The following PIAS1 variants were observed in gnomAD, a reference collection of about 807,000 sequenced individuals.
PIAS1 encodes protein inhibitor of activated STAT 1.
Under a neutral mutation model 71.3 loss-of-function variants are expected in PIAS1, and 6 were observed. The observed-to-expected ratio is 0.08, with a 90% CI of 0.05 to 0.17. PIAS1 has a LOEUF of 0.17. Among genes scored for constraint, PIAS1 ranks in the 10% least tolerant of loss-of-function variants. The pLI, the probability that PIAS1 is intolerant of heterozygous loss-of-function variation, is 1.00. For missense variants in PIAS1, 555 were observed against 793.6 expected, an observed-to-expected ratio of 0.70 and a Z score of 3.61; for synonymous variants, 303 against 292.9, an observed-to-expected ratio of 1.03 and a Z score of -0.35.
At chr15:68,080,275 A>C (rs1214605803) in intron 1 of PIAS1, among the ~76,000 whole-genome samples, 1 of 152,242 alleles carries the variant, frequency 6.6e-6, no homozygotes, top group African/African-American at 2.4e-5. Flanking sequence ...CCATTTCAAC[A>C]GTGTTTATAC....
intron 1 of PIAS1, among the ~76,000 whole-genome samples, chr15:68,069,380 A>G (rs571114595): frequency 1.3e-5 from 2 of 152,288 alleles, no homozygotes; most frequent in East Asian, 1.9e-4. Flanking sequence ...TTGGTATCAC[A>G]TTTACTTAAA....
chr15:68,059,171 A>G (rs1243594636), intron 1 of PIAS1, among the ~76,000 whole-genome samples: 1 of 151,478 alleles, frequency 6.6e-6, no homozygotes, highest in East Asian at 2.0e-4. Flanking sequence ...CGCCCCGCTA[A>G]TTTTTTTGTA....
chr15:68,061,679 C>A (rs902155518), intron 1 of PIAS1, among the ~76,000 whole-genome samples: 35 of 152,132 alleles, frequency 2.3e-4, no homozygotes, highest in Non-Finnish European at 1.3e-4. Flanking sequence ...TTTCAGTTTA[C>A]CCGCTTTGGT....
At chr15:68,099,407 A>G (rs1467869148) in intron 2 of PIAS1, among the ~76,000 whole-genome samples, 1 of 151,218 alleles carries the variant, frequency 6.6e-6, no homozygotes. Flanking sequence ...TTGTCTTTTG[A>G]GTTTTTTTTA....
intron 2 of PIAS1, among the ~76,000 whole-genome samples, chr15:68,123,232 T>C (rs1289082696): frequency 6.6e-6 from 1 of 151,490 alleles, no homozygotes; most frequent in Non-Finnish European, 1.5e-5. Context: ...TTTAAAACTT[T>C]TTGTAGAGAG....
chr15:68,106,854 G>A (rs914996373), intron 2 of PIAS1, among the ~76,000 whole-genome samples: 1 of 152,206 alleles, frequency 6.6e-6, no homozygotes, highest in Non-Finnish European at 1.5e-5. Context: ...ATACAGCACA[G>A]CAAGCTTTTC....
At position 68,185,312 on chromosome 15, in the gene PIAS1, G is replaced by C. The variant is rs2093080850; in HGVS notation, c.1662+1645G>C. On this transcript the variant is annotated intron_variant, in intron 13 of 13. Transcript: ENST00000249636. The surrounding 1 kb of genome is among the most constrained non-coding windows in gnomAD (Gnocchi z 4.4). ...GCATCAAGAACCTTGCTTGGGCATG[G>C]ACTGATGTCACCAAGGAGTATGTGA... Among the ~76,000 whole-genome samples, 2 of 152,114 alleles carry C rather than the reference G, an allele frequency of 1.3e-5. No homozygotes were observed. The highest frequency in any genetic ancestry group is 2.4e-5 in the African/African-American group (1 of 41,422).
At chr15:68,123,908 C>T (rs947095249) in intron 2 of PIAS1, among the ~76,000 whole-genome samples, 6 of 151,886 alleles carry the variant, frequency 4.0e-5, no homozygotes, top group Admixed American at 1.3e-4. Context: ...TAATTATAGG[C>T]GGAAAACACA....
rs117359078 is a variant in PIAS1 at position 68,082,282 on chromosome 15, G to A, written c.25-4024G>A. ...AGGGGAAGTAGTGGCATAAGGAAAC[G>A]GGATCCAGTATAAAAGAGAGACAAG... On this transcript the variant is annotated intron_variant, in intron 1 of 13. Transcript: ENST00000249636. 5.5e-3 allele frequency among the ~76,000 whole-genome samples: 833 copies of A among 152,220 alleles called. 2 individuals carry two copies. The highest frequency in any genetic ancestry group is 0.015 in the East Asian group (78 of 5,184).
chr15:68,093,341 C>G (rs568917796), intron 2 of PIAS1, among the ~76,000 whole-genome samples: 31 of 152,364 alleles, frequency 2.0e-4, no homozygotes, highest in Middle Eastern at 3.4e-3. Context: ...GAATAAACCT[C>G]TGGTTCTTGG....
intron 4 of PIAS1, among the ~76,000 whole-genome samples, 161 bp downstream of exon 4, chr15:68,142,498 A>C (rs1595761671): frequency 1.3e-5 from 2 of 152,126 alleles, no homozygotes; most frequent in South Asian, 2.1e-4. Context: ...ATTTTAAGGA[A>C]TAAGAGGAAA....
At chr15:68,132,928 A>T (rs187837329) in intron 2 of PIAS1, among the ~76,000 whole-genome samples, 2 of 151,762 alleles carry the variant, frequency 1.3e-5, no homozygotes, top group African/African-American at 4.8e-5. Flanking sequence ...TCTGTCTCTC[A>T]TAGGTAATCA....
rs1842377300 is a variant in PIAS1 at position 68,186,068 on chromosome 15, G to A, written c.1663-1474G>A. On this transcript the variant is annotated intron_variant, in intron 13 of 13. Coordinates refer to ENST00000249636, the MANE Select transcript of PIAS1 (RefSeq NM_016166.3). The surrounding 1 kb of genome is among the most constrained non-coding windows in gnomAD (Gnocchi z 4.4). The stretch of plus-strand genomic sequence containing the variant: ...ATTATCTACTTACAAGCAAACCTAT[G>A]ATAAAAAAGAAACCAAGCCAAACAC... 6.6e-6 allele frequency among the ~76,000 whole-genome samples: 1 copy of A among 152,178 alleles called. No homozygotes were observed.
chr15:68,086,525 T>G lies in PIAS1; in HGVS notation c.244T>G (p.Ser82Ala). ...AGACTTGTCCATCCCCAACGTACAT[T>G]CAAGTCCTATGCCAGCAACTTTGTC... ...PADLSIPNVH[S>A]SPMPATLSPS... Residue 82 changes from serine (S) to alanine (A), a missense_variant, in exon 2 of 14, where the codon TCA becomes GCA. Around this residue, in one of 5 missense-constraint regions of PIAS1, gnomAD observed 80 missense variants for 66.9 expected, o/e 1.20. Coordinates refer to ENST00000249636, the MANE Select transcript of PIAS1 (RefSeq NM_016166.3). The surrounding 1 kb of genome is among the most constrained non-coding windows in gnomAD (Gnocchi z 7.2). The G allele has an allele frequency of 6.2e-7, 1 of 1,613,788 alleles. No individual in the cohort carries two copies. The highest frequency in any genetic ancestry group is 8.5e-7 in the Non-Finnish European group (1 of 1,179,784).
chr15:68,117,540 C>T (rs183545863), intron 2 of PIAS1, among the ~76,000 whole-genome samples: 16 of 152,346 alleles, frequency 1.1e-4, no homozygotes, highest in African/African-American at 2.6e-4. Flanking sequence ...CCAGAGTTCT[C>T]GTACCCCTAT....
At chr15:68,149,345 T>A (rs796508504) in intron 6 of PIAS1, among the ~76,000 whole-genome samples, 23 of 149,722 alleles carry the variant, frequency 1.5e-4, no homozygotes, top group African/African-American at 4.5e-4. Context: ...TTTTTTTTTT[T>A]AAACATTCTT....
At chr15:68,089,534 C>A (rs990067528) in intron 2 of PIAS1, among the ~76,000 whole-genome samples, 1 of 152,114 alleles carries the variant, frequency 6.6e-6, no homozygotes, top group Non-Finnish European at 1.5e-5. Flanking sequence ...ACTTTCCCTG[C>A]ATGCTCTCAT....
chr15:68,080,698 T>G (rs148694612), intron 1 of PIAS1, among the ~76,000 whole-genome samples: 5 of 152,302 alleles, frequency 3.3e-5, no homozygotes, highest in African/African-American at 1.2e-4. Flanking sequence ...TGTGCAAGCT[T>G]TAATGTGTGC....
At chr15:68,082,095 A>T (rs916937323) in intron 1 of PIAS1, among the ~76,000 whole-genome samples, 1 of 152,186 alleles carries the variant, frequency 6.6e-6, no homozygotes, top group Non-Finnish European at 1.5e-5. Flanking sequence ...TTGACACAAC[A>T]TGATTTCCTG....
Sources: allele counts gnomAD v4.1 joint callset (sites outside exome capture counted in the v4.1 genomes callset), GRCh38; gene constraint gnomAD v4.1.1; regional missense constraint gnomAD v4.1.1; non-coding constraint Gnocchi (gnomAD v3.1); transcripts MANE v1.5; gene names NCBI Gene and HGNC (gene_info 2026-07-23, HGNC 2026-07-21).